PRKD1: variants seen among roughly 807,000 people sequenced by gnomAD.
PRKD1 encodes protein kinase D1, also known as serine/threonine-protein kinase D1.
A neutral mutation model predicts 95.9 loss-of-function variants in PRKD1; 63 were observed. That is an observed-to-expected ratio of 0.66 (90% CI 0.54 to 0.81). PRKD1 has a LOEUF of 0.81. Ranked by LOEUF, PRKD1 falls within the 30% of genes least tolerant of loss-of-function variation. The probability of loss-of-function intolerance (pLI) is 0.00; values close to 1 mark genes in which losing one functional copy is unlikely to be tolerated. For synonymous variants in PRKD1, 425 were observed against 423.1 expected, an observed-to-expected ratio of 1.00 and a Z score of -0.05; for missense variants, 1,048 against 1,165.3, an observed-to-expected ratio of 0.90 and a Z score of 1.47.
intron 4 of PRKD1, among the ~76,000 whole-genome samples, chr14:29,647,547 C>G (rs563211230): frequency 6.6e-6 from 1 of 152,260 alleles, no homozygotes; most frequent in South Asian, 2.1e-4. Flanking sequence ...AGTATTTGAC[C>G]TTGCCTGAAT....
At chr14:29,819,920 A>C (rs1890844589) in intron 1 of PRKD1, among the ~76,000 whole-genome samples, 1 of 152,186 alleles carries the variant, frequency 6.6e-6, no homozygotes, top group South Asian at 2.1e-4. Context: ...TGAAGGACAC[A>C]AAAGCAGAGT....
chr14:29,790,401 C>G (rs1889488138), intron 1 of PRKD1, among the ~76,000 whole-genome samples: 1 of 152,046 alleles, frequency 6.6e-6, no homozygotes, highest in Admixed American at 6.5e-5. Flanking sequence ...GATCATGTGC[C>G]ATAAATACTG....
chr14:29,618,096 G>A lies in PRKD1; in HGVS notation c.1905+6056C>T, dbSNP rs912690107. ...AAAACAAAAAAGCTTTTAGGTGCTCGAAGATATATTTGCATGTCCTTATGA... is the reference window on the plus strand; with the variant it reads ...AAAACAAAAAAGCTTTTAGGTGCTCAAAGATATATTTGCATGTCCTTATGA... On this transcript the variant is annotated intron_variant, in intron 13 of 17. Coordinates refer to ENST00000331968, the MANE Select transcript of PRKD1 (RefSeq NM_002742.3). 2.6e-5 allele frequency among the ~76,000 whole-genome samples: 4 copies of A among 152,016 alleles called. No homozygotes were observed. In the South Asian group the frequency reaches 6.2e-4, roughly 24 times the overall value.
chr14:29,891,941 T>G, intron 1 of PRKD1, among the ~76,000 whole-genome samples: 1 of 152,192 alleles, frequency 6.6e-6, no homozygotes, highest in East Asian at 1.9e-4. Flanking sequence ...CTCTTAAAAT[T>G]TCTGAGTTTC....
At chr14:29,588,496 G>A (rs948539673) in intron 16 of PRKD1, among the ~76,000 whole-genome samples, 2 of 152,306 alleles carry the variant, frequency 1.3e-5, no homozygotes. Context: ...CTTGATAAAT[G>A]TAGTGGTATA....
At chr14:29,636,721 T>A (rs1193868749) in intron 6 of PRKD1, among the ~76,000 whole-genome samples, 1 of 152,198 alleles carries the variant, frequency 6.6e-6, no homozygotes, top group Non-Finnish European at 1.5e-5. Context: ...GATTATTTCA[T>A]CACCCAGGTA....
In PRKD1 at chr14:29,699,090, C is replaced by T. The variant is rs1271322076; in HGVS notation, c.403+26446G>A. 3.9e-5 allele frequency among the ~76,000 whole-genome samples: 6 copies of T among 152,086 alleles called. No homozygotes were observed. The South Asian group carries it at 6.2e-4, about 16-fold the overall frequency. ...CAATGACATATCAAAATTTGGTTAC[C>T]AATGGGTACTTACCATAGCGGATTT... On this transcript the variant is annotated intron_variant, in intron 2 of 17. Transcript: ENST00000331968.
At chr14:29,806,107 T>A (rs1168959796) in intron 1 of PRKD1, among the ~76,000 whole-genome samples, 1 of 152,120 alleles carries the variant, frequency 6.6e-6, no homozygotes, top group East Asian at 1.9e-4. Flanking sequence ...AAGAAGCGGA[T>A]CTCATCAACC....
chr14:29,595,805 TATTACGG>T (rs1449075589), intron 16 of PRKD1, among the ~76,000 whole-genome samples: 2 of 152,204 alleles, frequency 1.3e-5, no homozygotes, highest in East Asian at 3.9e-4. Context: ...GCTTCAGTGG[TATTACGG>T]ATTTGCATTC....
chr14:29,776,322 A>C (rs1242071600), intron 1 of PRKD1, among the ~76,000 whole-genome samples: 1 of 152,228 alleles, frequency 6.6e-6, no homozygotes, highest in East Asian at 1.9e-4. Context: ...TGAGAGAAGA[A>C]GGCTTCAGAC....
At chr14:29,720,305 T>C (rs888778945) in intron 2 of PRKD1, among the ~76,000 whole-genome samples, 8 of 152,126 alleles carry the variant, frequency 5.3e-5, no homozygotes, top group African/African-American at 1.9e-4. Flanking sequence ...GCAATGTAAG[T>C]AGTGAAGAAT....
chr14:29,729,258 T>C (rs1886319728), intron 1 of PRKD1, among the ~76,000 whole-genome samples: 2 of 152,124 alleles, frequency 1.3e-5, no homozygotes, highest in Non-Finnish European at 2.9e-5. Context: ...GTATTATATC[T>C]TCCTTAAATG....
intron 14 of PRKD1, among the ~76,000 whole-genome samples, 163 bp downstream of exon 14, chr14:29,599,493 T>A (rs1893434013): frequency 6.6e-6 from 1 of 152,194 alleles, no homozygotes; most frequent in Non-Finnish European, 1.5e-5. Context: ...CTCTGATTAA[T>A]ATAGATATAA....
At chr14:29,771,593 C>T (rs1191283045) in intron 1 of PRKD1, among the ~76,000 whole-genome samples, 1 of 152,092 alleles carries the variant, frequency 6.6e-6, no homozygotes, top group Non-Finnish European at 1.5e-5. Context: ...AGCATTGAGG[C>T]CCAGGTAGAG....
intron 1 of PRKD1, among the ~76,000 whole-genome samples, chr14:29,885,124 T>TTTAAAAAAAAAAAA (rs1232960518): frequency 7.6e-6 from 1 of 131,074 alleles, no homozygotes; most frequent in African/African-American, 2.9e-5. Context: ...CTCCATCTTT[T>TTTAAAAAAAAAAAA]AAAAAAAAAA....
chr14:29,641,521 C>A (rs1010635862), intron 4 of PRKD1, among the ~76,000 whole-genome samples: 8 of 152,062 alleles, frequency 5.3e-5, no homozygotes, highest in Admixed American at 5.2e-4. Context: ...ATAATGAACA[C>A]CTTGGGAAAG....
At chr14:29,652,232 G>T (rs556535958) in intron 4 of PRKD1, among the ~76,000 whole-genome samples, 5 of 152,262 alleles carry the variant, frequency 3.3e-5, no homozygotes, top group Admixed American at 6.5e-5. Context: ...TGGAGGTCAC[G>T]GTACCTTGCC....
intron 2 of PRKD1, among the ~76,000 whole-genome samples, chr14:29,687,357 T>A (rs913149559): frequency 4.6e-5 from 7 of 152,076 alleles, no homozygotes; most frequent in African/African-American, 1.7e-4. Flanking sequence ...AGAAATTGGT[T>A]GAGATTAGGA....
intron 12 of PRKD1, among the ~76,000 whole-genome samples, chr14:29,624,681 T>C (rs1343304069): frequency 6.6e-6 from 1 of 152,152 alleles, no homozygotes; most frequent in African/African-American, 2.4e-5. Context: ...CTGTCACTTA[T>C]TAGCTCTGTG....
Sources: allele counts gnomAD v4.1 joint callset (sites outside exome capture counted in the v4.1 genomes callset), GRCh38; gene constraint gnomAD v4.1.1; transcripts MANE v1.5; gene names NCBI Gene and HGNC (gene_info 2026-07-23, HGNC 2026-07-21).